The following FAHD2B variants were observed in gnomAD, a reference collection of about 807,000 sequenced individuals.
The protein encoded by FAHD2B is fumarylacetoacetate hydrolase domain containing 2B.
Under a neutral mutation model 33.7 loss-of-function variants are expected in FAHD2B, and 26 were observed. That is an observed-to-expected ratio of 0.77 (90% CI 0.57 to 1.07). The LOEUF (loss-of-function observed/expected upper bound fraction) is 1.07, where lower values mean the gene tolerates loss of function less well. Ranked by LOEUF, FAHD2B falls within the 50% of genes least tolerant of loss-of-function variation. The probability of loss-of-function intolerance (pLI) is 0.00; values close to 1 mark genes in which losing one functional copy is unlikely to be tolerated. For missense variants in FAHD2B, 272 were observed against 388.1 expected (o/e 0.70, Z 2.51); for synonymous variants, 108 against 150.9 (o/e 0.72, Z 2.08).
chr2:97,083,184 C>A, downstream of FAHD2B: 1 of 1,604,672 alleles, frequency 6.2e-7, no homozygotes, highest in African/African-American at 1.3e-5. Context: ...CCAGGCTCCA[C>A]CTATCCCCTA....
At position 97,085,706 on chromosome 2, in the gene FAHD2B, A is replaced by G. The variant is rs140797896; in HGVS notation, c.678T>C (p.Ser226=). The change falls in exon 6 of 9, where the codon AGT becomes AGC. Residue 226 remains serine, a synonymous_variant. Transcript: ENST00000414820. ...CAGGGACCAGGGACCTACCTGCTAC[A>G]CTGTCCTTGGTCACCAAGGCAGGGC... is the stretch of plus-strand genomic sequence containing the variant. The part of the protein sequence containing the change: ...PLGPALVTKD[S]VADPHNLKIC... 67 of 1,613,682 alleles carry G rather than the reference A, an allele frequency of 4.2e-5. No individual in the cohort carries two copies. The African/African-American group carries it at 8.3e-4, about 20-fold the overall frequency.
intron 6 of FAHD2B, 48 bp from the exon 7 acceptor site, chr2:97,084,325 A>T: frequency 6.2e-7 from 1 of 1,604,974 alleles, no homozygotes; most frequent in Non-Finnish European, 8.5e-7. Context: ...TCCCCCTCAA[A>T]CCCCCCAGTG....
chr2:97,083,768 T>C lies in FAHD2B; in HGVS notation c.932A>G (p.Asn311Ser), dbSNP rs772182740. 8.1e-6 allele frequency: 13 copies of C among 1,614,144 alleles called. No homozygotes were observed. The highest frequency in any genetic ancestry group is 1.0e-5 in the Non-Finnish European group (12 of 1,180,036). The change falls in exon 9 of 9, where the codon AAC becomes AGC. Residue 311 changes from asparagine (N) to serine (S), a missense_variant. Transcript: ENST00000414820. ...CEIEELGVII[N>S]KVV ...GTGCAGGAGCCATCACACCACCTTG[T>C]TGATGATGACACCTAGTTCTTCAAT...
rs1370402247 is a variant in FAHD2B, at chr2:97,086,171, C to T, written c.490G>A (p.Val164Met). ...QEVDWEVELAVVIGKKGKHIK... is the reference protein window; with the variant it reads ...QEVDWEVELAMVIGKKGKHIK... Reference sequence around the variant, plus strand: ...TGCTTGCCTTTCTTTCCAATGACCACGGCCAGCTCCACTTCCCAATCTACC... The same window carrying T: ...TGCTTGCCTTTCTTTCCAATGACCATGGCCAGCTCCACTTCCCAATCTACC... The change falls in exon 5 of 9, where the codon GTG (valine) becomes ATG (methionine). Residue 164 changes from valine to methionine, a missense_variant. By Grantham distance (21) the Val-to-Met change is conservative (BLOSUM62 1). Transcript: ENST00000414820. 2.9e-5 allele frequency: 46 copies of T among 1,612,634 alleles called. No individual in the cohort carries two copies. The highest frequency in any genetic ancestry group is 3.4e-5 in the Non-Finnish European group (40 of 1,179,586).
chr2:97,087,727 C>T (rs2032083193), intron 4 of FAHD2B, among the ~76,000 whole-genome samples: 2 of 151,982 alleles, frequency 1.3e-5, no homozygotes, highest in Admixed American at 6.6e-5. Context: ...TCTTCATCCC[C>T]CAATGCAATA....
At chr2:97,084,120 CAT>C (rs778003216) in intron 7 of FAHD2B, 47 bp downstream of exon 7, 3 of 1,613,432 alleles carry the variant, frequency 1.9e-6, no homozygotes, top group Admixed American at 3.3e-5. Context: ...TCAGCCTCCA[CAT>C]GTGTGGCAGG....
chr2:97,081,054 T>C, downstream of FAHD2B: 1 of 1,472,342 alleles, frequency 6.8e-7, no homozygotes, highest in Non-Finnish European at 9.0e-7. Context: ...GTGTGTGCAG[T>C]GGTGAAGGGA....
At chr2:97,080,505 T>C (rs1056085593), downstream of FAHD2B, among the ~76,000 whole-genome samples, 1 of 152,020 alleles carries the variant, frequency 6.6e-6, no homozygotes, top group African/African-American at 2.4e-5. Flanking sequence ...TAGTATAGTT[T>C]GAAGTTGAAG....
At chr2:97,084,143 C>T (rs1479012132) in intron 7 of FAHD2B, 26 bp downstream of exon 7, 1 of 1,613,504 alleles carries the variant, frequency 6.2e-7, no homozygotes, top group East Asian at 2.2e-5. Context: ...TGGAGCGGGG[C>T]TGGCAGGACA....
intron 3 of FAHD2B, among the ~76,000 whole-genome samples, chr2:97,090,735 CA>C (rs998060511): frequency 6.6e-6 from 1 of 151,866 alleles, no homozygotes; most frequent in African/African-American, 2.4e-5. Flanking sequence ...CTCTGCTTAA[CA>C]ATATGTAACA....
intron 1 of FAHD2B, 102 bp from the exon 2 acceptor site, chr2:97,092,090 C>G (rs1304227883): frequency 5.8e-6 from 1 of 173,884 alleles, no homozygotes; most frequent in African/African-American, 2.4e-5. Flanking sequence ...GCTATCAGGA[C>G]TAATGCTGTG....
chr2:97,086,027 A>G, intron 5 of FAHD2B, 112 bp downstream of exon 5: 2 of 1,270,792 alleles, frequency 1.6e-6, no homozygotes, highest in Non-Finnish European at 2.2e-6. Context: ...ACTGCTTCCT[A>G]GTGTCAGGGA....
At chr2:97,086,330 G>A in intron 4 of FAHD2B, 132 bp from the exon 5 acceptor site, 4 of 1,281,526 alleles carry the variant, frequency 3.1e-6, no homozygotes, top group Non-Finnish European at 4.3e-6. Context: ...CCCTGAACCA[G>A]AGCCCAGTGA....
At chr2:97,089,070 G>A (rs865925382) in intron 4 of FAHD2B, among the ~76,000 whole-genome samples, 38 of 151,954 alleles carry the variant, frequency 2.5e-4, no homozygotes, top group Middle Eastern at 3.4e-3. Context: ...AAAAATTTGC[G>A]AGGAAAAGTA....
chr2:97,082,626 A>C, downstream of FAHD2B: 1 of 1,550,800 alleles, frequency 6.4e-7, no homozygotes, highest in Non-Finnish European at 8.9e-7. Flanking sequence ...GGCTTCTTTA[A>C]ACAAGAGGAG....
At chr2:97,090,419 C>T (rs2032268275) in intron 3 of FAHD2B, 94 bp from the exon 4 acceptor site, 1 of 1,471,852 alleles carries the variant, frequency 6.8e-7, no homozygotes, top group African/African-American at 1.4e-5. Flanking sequence ...ACAGGTTTTG[C>T]TTTTTGAAAT....
At chr2:97,081,224 T>G (rs1389126759), downstream of FAHD2B, 2 of 1,487,816 alleles carry the variant, frequency 1.3e-6, no homozygotes, top group Non-Finnish European at 1.8e-6. Context: ...ATGCACCTGC[T>G]GCCGCAAGAC....
chr2:97,080,995 C>T (rs1384637468), downstream of FAHD2B: 29 of 1,052,252 alleles, frequency 2.8e-5, no homozygotes, highest in Middle Eastern at 2.4e-4. Flanking sequence ...GGGCTGGGCG[C>T]GGTGCCTCAT....
In FAHD2B at chr2:97,085,491, C is replaced by T. The variant is rs928567506; in HGVS notation, c.685+208G>A. 9.2e-5 allele frequency among the ~76,000 whole-genome samples: 14 copies of T among 152,052 alleles called. 1 individual carries two copies. The highest frequency in any genetic ancestry group is 2.7e-4 in the African/African-American group (11 of 41,412). Reference sequence around the variant, plus strand: ...CTTCACGCATGCAGTTTCACATCCTCTGCAGTTGTGTTCCCTCTAGGGGGC... The same window carrying T: ...CTTCACGCATGCAGTTTCACATCCTTTGCAGTTGTGTTCCCTCTAGGGGGC... On this transcript the variant is annotated intron_variant, in intron 6 of 8. Transcript: ENST00000414820.
Sources: gnomAD v4.1 joint callset for allele counts (sites outside exome capture counted in the v4.1 genomes callset) on GRCh38, gnomAD v4.1.1 for gene constraint, MANE v1.5 for transcripts, NCBI Gene and HGNC (gene_info 2026-07-23, HGNC 2026-07-21) for gene names.